The following DHRSX variants were observed in gnomAD, a reference collection of about 807,000 sequenced individuals.
The protein encoded by DHRSX is dehydrogenase/reductase X-linked, also known as polyprenol dehydrogenase.
DHRSX carries 31 observed loss-of-function variants against 34.0 expected under a neutral mutation model. The ratio of observed to expected loss-of-function variants is 0.91; its 90% CI spans 0.69 to 1.23. The LOEUF (loss-of-function observed/expected upper bound fraction) is 1.23. DHRSX is among the 50% of genes most tolerant of loss of function. The pLI is 0.00. For missense variants in DHRSX, 414 were observed against 428.1 expected (o/e 0.97, Z 0.29); for synonymous variants, 201 against 183.8 (o/e 1.09, Z -0.76).
chrX:2,286,821 T>C (rs1359572213), intron 4 of DHRSX, among the ~76,000 whole-genome samples: 1 of 152,114 alleles, frequency 6.6e-6, no homozygotes, highest in African/African-American at 2.4e-5. Flanking sequence ...AGCAACCTCT[T>C]GAAAGATGTA....
intron 1 of DHRSX, among the ~76,000 whole-genome samples, chrX:2,437,698 AGTGT>A (rs57675169): frequency 8.1e-5 from 8 of 98,842 alleles, no homozygotes; most frequent in Admixed American, 2.6e-4. Context: ...AGAGAGAGAG[AGTGT>A]GTGTGTGTGT....
rs1450761165 is a variant in DHRSX, at chrX:2,221,053, A to C, written c.981T>G (p.Asp327Glu). 1 of 1,613,894 alleles carries C rather than the reference A, an allele frequency of 6.2e-7. No homozygotes were observed. Among genetic ancestry groups the C allele is most frequent in the Non-Finnish European group, 8.5e-7 (1 of 1,179,818 alleles). ...CTGAGACAGGATATCACAGGGTCACATCAAGGACCCCAGTCATCTCACAAC... is the reference window on the plus strand; with the variant it reads ...CTGAGACAGGATATCACAGGGTCACCTCAAGGACCCCAGTCATCTCACAAC... ...SKSCEMTGVL[D>E]VTL Residue 327 changes from aspartate (D) to glutamate (E), a missense_variant, in exon 7 of 7, where the codon GAT becomes GAG. Coordinates refer to ENST00000334651, the MANE Select transcript of DHRSX (RefSeq NM_145177.3).
At chrX:2,457,800 T>G (rs2044327492) in intron 1 of DHRSX, among the ~76,000 whole-genome samples, 1 of 145,416 alleles carries the variant, frequency 6.9e-6, no homozygotes, top group Admixed American at 7.0e-5. Flanking sequence ...ACAGCCACGG[T>G]GTGCACACTG....
intron 3 of DHRSX, among the ~76,000 whole-genome samples, chrX:2,325,247 C>T (rs1350755742): frequency 6.8e-6 from 1 of 147,974 alleles, no homozygotes; most frequent in African/African-American, 2.5e-5. Context: ...GAGGAACTAA[C>T]GACTAGACAC....
chrX:2,271,142 C>G lies in DHRSX; in HGVS notation c.389-4195G>C, dbSNP rs940591387. Among the ~76,000 whole-genome samples, 14 of 152,236 alleles carry G rather than the reference C, an allele frequency of 9.2e-5. 2 individuals are homozygous for G. The highest frequency in any genetic ancestry group is 9.2e-4 in the Admixed American group (14 of 15,282). ...CACTACCTGTATGAGCTGTAAGACT[C>G]ACTGCCAAGGTCCGCAGCTTCACTC... On this transcript the variant is annotated intron_variant, in intron 4 of 6. Coordinates refer to ENST00000334651, the MANE Select transcript of DHRSX (RefSeq NM_145177.3).
intron 2 of DHRSX, among the ~76,000 whole-genome samples, chrX:2,411,540 G>A (rs1372340518): frequency 7.6e-6 from 1 of 131,712 alleles, no homozygotes; most frequent in Non-Finnish European, 1.5e-5. Flanking sequence ...GGGCGACAGA[G>A]CCCAACTCTG....
chrX:2,426,707 A>C (rs1216597140), intron 1 of DHRSX, among the ~76,000 whole-genome samples: 24 of 91,814 alleles, frequency 2.6e-4, no homozygotes, highest in South Asian at 6.6e-4. Context: ...TTCTCCTTCC[A>C]TCCTTTCCTC....
intron 6 of DHRSX, 21 bp from the exon 7 acceptor site, chrX:2,221,250 G>A (rs1351471085): frequency 2.5e-6 from 4 of 1,605,604 alleles, no homozygotes; most frequent in Non-Finnish European, 3.4e-6. Flanking sequence ...AAGAAAAGAA[G>A]GCTACGATGA....
At chrX:2,422,409 T>C (rs2043792255) in intron 2 of DHRSX, among the ~76,000 whole-genome samples, 2 of 151,796 alleles carry the variant, frequency 1.3e-5, no homozygotes, top group African/African-American at 2.4e-5. Flanking sequence ...ATTACAGGCA[T>C]ACGCCACCAT....
intron 3 of DHRSX, among the ~76,000 whole-genome samples, chrX:2,294,716 C>G (rs1056074034): frequency 3.4e-5 from 5 of 145,728 alleles, no homozygotes; most frequent in African/African-American, 1.3e-4. Context: ...GTGACAAACA[C>G]TGAGAGACAG....
intron 1 of DHRSX, among the ~76,000 whole-genome samples, chrX:2,469,556 G>C (rs968696215): frequency 6.6e-6 from 1 of 151,794 alleles, no homozygotes; most frequent in Admixed American, 6.6e-5. Context: ...ATGTGGCCAA[G>C]GGACCGCCAC....
At chrX:2,329,479 G>A (rs1232256651) in intron 3 of DHRSX, among the ~76,000 whole-genome samples, 1 of 152,144 alleles carries the variant, frequency 6.6e-6, no homozygotes, top group African/African-American at 2.4e-5. Context: ...GATGGTGAAA[G>A]CAATGATAGA....
chrX:2,388,262 G>A (rs1189802737), intron 3 of DHRSX, among the ~76,000 whole-genome samples: 2 of 152,114 alleles, frequency 1.3e-5, no homozygotes, highest in Non-Finnish European at 2.9e-5. Flanking sequence ...GTTGTCATGG[G>A]CTGAATTTTG....
intron 3 of DHRSX, among the ~76,000 whole-genome samples, chrX:2,311,565 C>A (rs1305129246): frequency 6.6e-6 from 1 of 152,068 alleles, no homozygotes; most frequent in East Asian, 1.9e-4. Flanking sequence ...TTGACCCACC[C>A]GCGAGGCAAA....
intron 3 of DHRSX, among the ~76,000 whole-genome samples, chrX:2,311,127 G>A (rs780155444): frequency 1.6e-4 from 24 of 151,502 alleles, no homozygotes; most frequent in Admixed American, 7.9e-4. Flanking sequence ...GAGAATAAGC[G>A]AGAGACAGAG....
intron 1 of DHRSX, chrX:2,488,806 G>A (rs371388702): frequency 1.5e-5 from 24 of 1,613,790 alleles, no homozygotes; most frequent in African/African-American, 1.1e-4. Flanking sequence ...CCACGTGCGC[G>A]GGAGCCAGCC....
At chrX:2,457,296 G>A (rs1421913106) in intron 1 of DHRSX, among the ~76,000 whole-genome samples, 10 of 151,664 alleles carry the variant, frequency 6.6e-5, no homozygotes, top group African/African-American at 2.2e-4. Context: ...ATGTGGCAGC[G>A]GGATGGCCAC....
chrX:2,316,714 C>T (rs1171224177), intron 3 of DHRSX, among the ~76,000 whole-genome samples: 8 of 152,124 alleles, frequency 5.3e-5, no homozygotes, highest in Non-Finnish European at 4.4e-5. Flanking sequence ...CCTAGTGTTC[C>T]ATTATTGGAA....
At chrX:2,397,381 G>T (rs1297231052) in intron 3 of DHRSX, among the ~76,000 whole-genome samples, 2 of 152,102 alleles carry the variant, frequency 1.3e-5, no homozygotes, top group Non-Finnish European at 2.9e-5. Flanking sequence ...CAATCTTCTT[G>T]CCTCAGCCTC....
Sources: gnomAD v4.1 joint callset for allele counts (sites outside exome capture counted in the v4.1 genomes callset) on GRCh38, gnomAD v4.1.1 for gene constraint, MANE v1.5 for transcripts, NCBI Gene and HGNC (gene_info 2026-07-23, HGNC 2026-07-21) for gene names.